The following FAM81B variants were observed in gnomAD, a reference collection of about 807,000 sequenced individuals.
The protein encoded by FAM81B is protein FAM81B.
FAM81B carries 60 observed loss-of-function variants against 58.7 expected under a neutral mutation model. The ratio of observed to expected loss-of-function variants is 1.02; its 90% CI spans 0.83 to 1.27. The LOEUF is 1.27. Ranked by LOEUF, FAM81B falls within the 50% of genes most tolerant of loss-of-function variation. The pLI, the probability that FAM81B is intolerant of heterozygous loss-of-function variation, is 0.00. For missense variants in FAM81B, 491 were observed against 522.0 expected (o/e 0.94, Z 0.58); for synonymous variants, 189 against 179.6 (o/e 1.05, Z -0.42).
chr5:95,411,980 A>G (rs570358062), intron 3 of FAM81B, among the ~76,000 whole-genome samples: 1 of 152,322 alleles, frequency 6.6e-6, no homozygotes, highest in East Asian at 1.9e-4. Context: ...TAATAATAAC[A>G]ATGCTGACAA....
At chr5:95,403,322 G>C (rs1363514111) in intron 3 of FAM81B, among the ~76,000 whole-genome samples, 1 of 152,208 alleles carries the variant, frequency 6.6e-6, no homozygotes, top group African/African-American at 2.4e-5. Context: ...TTGAGGAACA[G>C]AGCCATTATA....
chr5:95,411,552 T>C (rs1207913776), intron 3 of FAM81B, among the ~76,000 whole-genome samples: 1 of 152,196 alleles, frequency 6.6e-6, no homozygotes, highest in Non-Finnish European at 1.5e-5. Context: ...TAAGTCAAGA[T>C]TCAAAATGTA....
intron 1 of FAM81B, among the ~76,000 whole-genome samples, chr5:95,392,157 G>T (rs1432751017): frequency 6.6e-6 from 1 of 152,162 alleles, no homozygotes; most frequent in Non-Finnish European, 1.5e-5. Context: ...ATACACCATG[G>T]AATACTATGC....
At chr5:95,428,202 T>G (rs1342379046) in intron 5 of FAM81B, among the ~76,000 whole-genome samples, 1 of 152,150 alleles carries the variant, frequency 6.6e-6, no homozygotes, top group Non-Finnish European at 1.5e-5. Flanking sequence ...GAGAGGAAAG[T>G]GGATTTAGAA....
intron 7 of FAM81B, 91 bp from the exon 8 acceptor site, chr5:95,446,471 C>T (rs1745561659): frequency 4.9e-6 from 6 of 1,231,260 alleles, no homozygotes; most frequent in East Asian, 2.6e-5. Context: ...CACTGAGTCT[C>T]GTCACCTCAA....
chr5:95,434,159 G>A (rs1745009969), intron 6 of FAM81B, among the ~76,000 whole-genome samples: 1 of 152,204 alleles, frequency 6.6e-6, no homozygotes, highest in East Asian at 1.9e-4. Flanking sequence ...GGAGGGGCTA[G>A]ACTGGACCCT....
Position 95,450,164 on chromosome 5 carries a change from A to C in FAM81B, c.1241A>C (p.His414Pro). ...NEYQSGFKSIHDSLSSLQQIQ... is the reference protein window; with the variant it reads ...NEYQSGFKSIPDSLSSLQQIQ... Reference sequence around the variant, plus strand: ...CCTCTTACAGGATTTAAATCAATTCATGACTCTCTCAGCTCCCTCCAACAA... The same window carrying C: ...CCTCTTACAGGATTTAAATCAATTCCTGACTCTCTCAGCTCCCTCCAACAA... Residue 414 changes from histidine to proline, a missense_variant, in exon 10 of 10, where the codon CAT becomes CCT. His to Pro is a moderately conservative substitution (Grantham distance 77). Coordinates refer to ENST00000283357, the MANE Select transcript of FAM81B (RefSeq NM_152548.3). 6.2e-7 allele frequency: 1 copy of C among 1,611,864 alleles called. No homozygotes were observed. Among genetic ancestry groups the C allele is most frequent in the Non-Finnish European group, 8.5e-7 (1 of 1,179,252 alleles).
At chr5:95,425,427 A>T (rs1762798538) in intron 5 of FAM81B, among the ~76,000 whole-genome samples, 1 of 152,190 alleles carries the variant, frequency 6.6e-6, no homozygotes, top group Non-Finnish European at 1.5e-5. Context: ...AATGCTAGAA[A>T]AGAATGGATT....
At chr5:95,444,600 C>T (rs184389858) in intron 7 of FAM81B, among the ~76,000 whole-genome samples, 70 of 152,218 alleles carry the variant, frequency 4.6e-4, no homozygotes, top group African/African-American at 1.6e-3. Context: ...GATTGGGAAT[C>T]ATGATTAGAC....
intron 6 of FAM81B, among the ~76,000 whole-genome samples, chr5:95,434,092 T>A (rs1745008500): frequency 1.3e-5 from 2 of 152,320 alleles, no homozygotes; most frequent in East Asian, 1.9e-4. Context: ...ACCATAAACA[T>A]AATAGTTTAA....
At chr5:95,445,686 C>T (rs1745530961) in intron 7 of FAM81B, among the ~76,000 whole-genome samples, 1 of 151,830 alleles carries the variant, frequency 6.6e-6, no homozygotes, top group African/African-American at 2.4e-5. Flanking sequence ...TCTTTAAATG[C>T]CCCCTAAAAA....
In FAM81B at chr5:95,391,395, A is replaced by G. The variant is rs562139540; in HGVS notation, c.6A>G (p.Gln2=). The part of the protein sequence containing the change: M[Q]LQFLGTLASS... ...ACAGGAAGACCTTAGTTAGGATGCA[A>G]TTACAATTCCTTGGTACATTGGCTT... is the stretch of plus-strand genomic sequence containing the variant. The change falls in exon 1 of 10, where the codon CAA becomes CAG. Residue 2 remains glutamine (Q), a synonymous_variant. Transcript: ENST00000283357. 1.6e-5 allele frequency: 26 copies of G among 1,612,852 alleles called. No homozygotes were observed. In the South Asian group the frequency reaches 2.1e-4, roughly 13 times the overall value.
chr5:95,395,591 T>C (rs139302509), intron 2 of FAM81B, among the ~76,000 whole-genome samples: 1 of 152,314 alleles, frequency 6.6e-6, no homozygotes, highest in East Asian at 1.9e-4. Flanking sequence ...TTTATTGAAT[T>C]AGAAGTTGCC....
intron 9 of FAM81B, chr5:95,448,801 GT>G (rs1745689182): frequency 9.1e-6 from 4 of 441,426 alleles, no homozygotes; most frequent in Non-Finnish European, 1.3e-5. Flanking sequence ...TTGTGGGTAT[GT>G]TATGAAATTA....
At chr5:95,394,618 A>C (rs549142404) in intron 2 of FAM81B, among the ~76,000 whole-genome samples, 1 of 152,296 alleles carries the variant, frequency 6.6e-6, no homozygotes, top group Non-Finnish European at 1.5e-5. Context: ...TGCCCAGTGA[A>C]TCAGTAGATC....
chr5:95,436,684 C>T (rs1211158360), intron 6 of FAM81B, 116 bp from the exon 7 acceptor site: 1 of 740,170 alleles, frequency 1.4e-6, no homozygotes, highest in African/African-American at 1.8e-5. Context: ...TTTCCCAGCT[C>T]CTTAAAGGAA....
At chr5:95,428,139 C>T (rs979957479) in intron 5 of FAM81B, among the ~76,000 whole-genome samples, 4 of 152,164 alleles carry the variant, frequency 2.6e-5, no homozygotes, top group African/African-American at 7.2e-5. Context: ...GCTGGGACAC[C>T]TTTTCTTGCC....
At position 95,395,135 on chromosome 5, in the gene FAM81B, A is replaced by G. The variant is rs572086746; in HGVS notation, c.229-976A>G. Among the ~76,000 whole-genome samples the G allele has an allele frequency of 4.6e-5, 7 of 152,336 alleles. No homozygotes were observed. The South Asian group carries it at 1.5e-3, about 32-fold the overall frequency. On this transcript the variant is annotated intron_variant, in intron 2 of 9. Coordinates refer to ENST00000283357, the MANE Select transcript of FAM81B (RefSeq NM_152548.3). ...GTCTTGTTTTTTTAAACTTAAAAGA[A>G]CATTAGAATTTAAGGCATTTTCGGC...
chr5:95,417,489 C>G (rs1400538121), intron 4 of FAM81B, among the ~76,000 whole-genome samples: 1 of 152,114 alleles, frequency 6.6e-6, no homozygotes, highest in African/African-American at 2.4e-5. Context: ...ACAACAACAA[C>G]AACAAAATTA....
Sources: gnomAD v4.1 joint callset for allele counts (sites outside exome capture counted in the v4.1 genomes callset) on GRCh38, gnomAD v4.1.1 for gene constraint, MANE v1.5 for transcripts, NCBI Gene and HGNC (gene_info 2026-07-23, HGNC 2026-07-21) for gene names.